Variants in SEC63 observed in about 807,000 individuals in gnomAD.
SEC63 encodes the protein SEC63 protein translocation regulator.
A neutral mutation model predicts 116.2 loss-of-function variants in SEC63; 56 were observed. The ratio of observed to expected loss-of-function variants is 0.48; its 90% confidence interval spans 0.39 to 0.60. The LOEUF is 0.60. SEC63 is among the 20% of genes least tolerant of loss of function. The probability of loss-of-function intolerance (pLI) is 0.00; values close to 1 mark genes in which losing one functional copy is unlikely to be tolerated. For synonymous variants in SEC63, 273 were observed against 294.6 expected (o/e 0.93, Z 0.75); for missense variants, 668 against 900.0 (o/e 0.74, Z 3.30).
intron 1 of SEC63, among the ~76,000 whole-genome samples, chr6:107,941,550 T>C (rs1052554318): frequency 3.3e-5 from 5 of 150,038 alleles, no homozygotes; most frequent in African/African-American, 1.2e-4. Context: ...TGGCATACAG[T>C]GGAAGAAAAA....
Position 107,942,489 on chromosome 6 carries a change from C to T in SEC63, c.125-12975G>A, listed in dbSNP as rs1338183457. Reference sequence around the variant, plus strand: ...TTAACAAATATTTGGTGAATATCCACTACGTACCCGGACTTTTCTGGACAC... The same window carrying T: ...TTAACAAATATTTGGTGAATATCCATTACGTACCCGGACTTTTCTGGACAC... On this transcript the variant is annotated intron_variant, in intron 1 of 20. Coordinates refer to ENST00000369002, the MANE Select transcript of SEC63 (RefSeq NM_007214.5). Among the ~76,000 whole-genome samples the T allele has an allele frequency of 3.9e-5, 6 of 152,134 alleles. No homozygotes were observed. The East Asian group carries it at 9.6e-4, about 24-fold the overall frequency.
Position 107,901,482 on chromosome 6 carries a change from T to C in SEC63, c.1245A>G (p.Leu415=). The C allele has an allele frequency of 6.2e-7, 1 of 1,605,312 alleles. No homozygotes were observed. ...GTAGAGTGTGACGATCTGATTCTTTTAAACTCACCAAATCCTGGATAGTTT... is the reference window on the plus strand; with the variant it reads ...GTAGAGTGTGACGATCTGATTCTTTCAAACTCACCAAATCCTGGATAGTTT... ...KIKTIQDLVS[L]KESDRHTLLH... is the part of the protein sequence containing the mutation. The change falls in exon 13 of 21, where the codon TTA becomes TTG. Residue 415 remains leucine, a synonymous_variant. Transcript: ENST00000369002.
intron 1 of SEC63, among the ~76,000 whole-genome samples, chr6:107,955,550 C>T (rs545613107): frequency 6.6e-6 from 1 of 152,216 alleles, no homozygotes; most frequent in Non-Finnish European, 1.5e-5. Context: ...ACCTAAACTA[C>T]CACCACTTTT....
At chr6:107,926,603 A>AAAAAC (rs1487156579) in intron 2 of SEC63, among the ~76,000 whole-genome samples, 3 of 152,186 alleles carry the variant, frequency 2.0e-5, no homozygotes, top group Admixed American at 1.3e-4. Context: ...TCAATATGCT[A>AAAAAC]AAAACAAAAC....
chr6:107,872,915 A>T lies in SEC63; in HGVS notation c.2035-3T>A, dbSNP rs1260868302. The T allele has an allele frequency of 2.0e-6, 3 of 1,534,354 alleles. No homozygotes were observed. Among genetic ancestry groups the T allele is most frequent in the Non-Finnish European group, 2.7e-6 (3 of 1,131,064 alleles). ...GGTGCAGGAAACTTCAGCTCTACCT[A>T]GAAGATAAAATCAGCACTTAAAAAT... is the stretch of plus-strand genomic sequence containing the variant. On this transcript the variant is annotated splice_region_variant and splice_polypyrimidine_tract_variant and intron_variant, in intron 19 of 20. Transcript: ENST00000369002.
At chr6:107,946,309 T>C (rs1386033242) in intron 1 of SEC63, among the ~76,000 whole-genome samples, 1 of 151,956 alleles carries the variant, frequency 6.6e-6, no homozygotes, top group African/African-American at 2.4e-5. Flanking sequence ...CTCTGCTCAC[T>C]GCATCCTCCA....
rs534789860 is a variant in SEC63, at chr6:107,883,544, T to A, written c.1675-398A>T. Reference sequence around the variant, plus strand: ...TCACAGCGACTCATGCATGTAATCTTAGCACTTTGGAAGGCAGAGGCAGGA... The same window carrying A: ...TCACAGCGACTCATGCATGTAATCTAAGCACTTTGGAAGGCAGAGGCAGGA... On this transcript the variant is annotated intron_variant, in intron 16 of 20. Coordinates refer to ENST00000369002, the MANE Select transcript of SEC63 (RefSeq NM_007214.5). The A allele has an allele frequency of 6.7e-4, 125 of 187,362 alleles. 3 individuals are homozygous for A. The highest frequency in any genetic ancestry group is 8.4e-4 in the South Asian group (8 of 9,530). 11.6% of individuals were successfully genotyped at this position (187,362 alleles called of 1,614,324 possible). A position where few individuals can be genotyped will look rare whatever the true frequency, so the allele number is the denominator to read the frequency against.
chr6:107,896,787 T>G (rs1396102985), intron 14 of SEC63, among the ~76,000 whole-genome samples: 2 of 151,996 alleles, frequency 1.3e-5, no homozygotes, highest in Non-Finnish European at 2.9e-5. Flanking sequence ...AAGACCAGCC[T>G]GGTCAACATG....
Position 107,940,834 on chromosome 6 carries a change from T to C in SEC63, c.125-11320A>G, listed in dbSNP as rs141179452. Among the ~76,000 whole-genome samples the C allele has an allele frequency of 6.6e-3, 999 of 151,876 alleles. 18 individuals carry two copies. Among genetic ancestry groups the C allele is most frequent in the African/African-American group, 0.023 (942 of 41,436 alleles). On this transcript the variant is annotated intron_variant, in intron 1 of 20. Transcript: ENST00000369002. ...ACTCGCTGCAGTATCTTTGAGTACTTACCTGGGACGCGGGGAGGGAAGAAG... is the reference window on the plus strand; with the variant it reads ...ACTCGCTGCAGTATCTTTGAGTACTCACCTGGGACGCGGGGAGGGAAGAAG...
chr6:107,888,740 A>C (rs1786600301), intron 16 of SEC63, among the ~76,000 whole-genome samples: 1 of 152,076 alleles, frequency 6.6e-6, no homozygotes, highest in African/African-American at 2.4e-5. Flanking sequence ...TGTCATAAAT[A>C]GCTCTTATTT....
chr6:107,884,295 C>T (rs1786480439), intron 16 of SEC63, among the ~76,000 whole-genome samples: 1 of 143,862 alleles, frequency 7.0e-6, no homozygotes, highest in African/African-American at 2.6e-5. Flanking sequence ...GAAAAAGAAA[C>T]TTAAAACTAA....
chr6:107,874,780 A>C (rs915587306), intron 19 of SEC63, among the ~76,000 whole-genome samples: 1 of 151,992 alleles, frequency 6.6e-6, no homozygotes, highest in African/African-American at 2.4e-5. Context: ...GGCTCAAGTG[A>C]TCCTCCTGCC....
At chr6:107,909,185 T>G in intron 7 of SEC63, 150 bp from the exon 8 acceptor site, 1 of 609,596 alleles carries the variant, frequency 1.6e-6, no homozygotes, top group Non-Finnish European at 3.0e-6. Flanking sequence ...CTGGGCAACA[T>G]AGTGAGACCC....
intron 7 of SEC63, chr6:107,911,053 C>T: frequency 5.4e-6 from 2 of 372,024 alleles, no homozygotes; most frequent in East Asian, 5.7e-5. Context: ...ACACATCATG[C>T]TCAAGTAATG....
intron 1 of SEC63, among the ~76,000 whole-genome samples, chr6:107,940,298 T>C (rs902659597): frequency 6.6e-6 from 1 of 152,184 alleles, no homozygotes; most frequent in Non-Finnish European, 1.5e-5. Context: ...GTAGTTCAAA[T>C]AAATCAAGAG....
chr6:107,910,842 C>G (rs886446514), intron 7 of SEC63, among the ~76,000 whole-genome samples: 1 of 152,066 alleles, frequency 6.6e-6, no homozygotes, highest in Non-Finnish European at 1.5e-5. Flanking sequence ...AATCTCGGCT[C>G]ATTGCAACCT....
At chr6:107,947,484 G>A (rs1770500846) in intron 1 of SEC63, among the ~76,000 whole-genome samples, 1 of 151,888 alleles carries the variant, frequency 6.6e-6, no homozygotes, top group South Asian at 2.1e-4. Flanking sequence ...GAGGCAGAAG[G>A]ATGGCTCAGC....
chr6:107,935,025 C>T (rs1347935867), intron 1 of SEC63, among the ~76,000 whole-genome samples: 10 of 134,924 alleles, frequency 7.4e-5, no homozygotes, highest in African/African-American at 2.5e-4. Flanking sequence ...CCAGCCACCC[C>T]GTCCGGGAGG....
chr6:107,913,155 ATTC>A (rs1787324428), intron 5 of SEC63, among the ~76,000 whole-genome samples: 1 of 152,202 alleles, frequency 6.6e-6, no homozygotes, highest in Non-Finnish European at 1.5e-5. Context: ...GATAGTGATT[ATTC>A]TTCTCTATGG....
Sources: allele counts gnomAD v4.1 joint callset (sites outside exome capture counted in the v4.1 genomes callset), GRCh38; gene constraint gnomAD v4.1.1; transcripts MANE v1.5; gene names NCBI Gene and HGNC (gene_info 2026-07-23, HGNC 2026-07-21).